PCDHA8: variants seen among roughly 807,000 people sequenced by gnomAD.
The protein encoded by PCDHA8 is protocadherin alpha-8.
PCDHA8 carries 53 observed loss-of-function variants against 61.8 expected under a neutral mutation model. The ratio of observed to expected loss-of-function variants is 0.86; its 90% CI spans 0.69 to 1.08. PCDHA8 has a LOEUF of 1.08. Ranked by LOEUF, PCDHA8 falls within the 50% of genes least tolerant of loss-of-function variation. The probability of loss-of-function intolerance (pLI) is 0.00; values close to 1 mark genes in which losing one functional copy is unlikely to be tolerated. For synonymous variants in PCDHA8, 618 were observed against 556.6 expected (o/e 1.11, Z -1.55); for missense variants, 1,293 against 1,245.0 (o/e 1.04, Z -0.58).
In PCDHA8 at chr5:140,915,928, T is replaced by C. The variant is rs141949892; in HGVS notation, c.2395-63021T>C. ...CAGGCCCAGAGATGCTACTTGGGAG[T>C]CAGGGATTGGAGTCAAAATACTTAG... On this transcript the variant is annotated intron_variant, in intron 1 of 3. Coordinates refer to ENST00000531613, the MANE Select transcript of PCDHA8 (RefSeq NM_018911.3). Among the ~76,000 whole-genome samples the C allele has an allele frequency of 8.0e-3, 1,213 of 151,944 alleles. 5 individuals carry two copies. The highest frequency in any genetic ancestry group is 0.019 in the African/African-American group (783 of 41,424).
Position 140,841,306 on chromosome 5 carries a change from GAAACGACT to G in PCDHA8, c.-14_-7del. The G allele has an allele frequency of 1.3e-6, 2 of 1,580,012 alleles. No homozygotes were observed. Among genetic ancestry groups the G allele is most frequent in the Non-Finnish European group, 1.7e-6 (2 of 1,164,338 alleles). On this transcript the variant is annotated 5_prime_UTR_variant, in exon 1 of 4. Coordinates refer to ENST00000531613, the MANE Select transcript of PCDHA8 (RefSeq NM_018911.3). ...ATATTAAGATAATATTTTCTGATAG[GAAACGACT>G]ATTTAACATGGATTATCACTGGCGA... is the stretch of plus-strand genomic sequence containing the variant.
intron 1 of PCDHA8, chr5:140,927,565 G>A: frequency 6.2e-7 from 1 of 1,614,186 alleles, no homozygotes; most frequent in Non-Finnish European, 8.5e-7. Context: ...CATTGTGGTG[G>A]ACACAAATGA....
chr5:140,968,962 C>T (rs1554231271), intron 1 of PCDHA8: 29 of 1,614,056 alleles, frequency 1.8e-5, no homozygotes, highest in Non-Finnish European at 2.2e-5. Context: ...TCAAGTGCTA[C>T]CGCTACACTG....
intron 1 of PCDHA8, chr5:140,968,411 G>C (rs895173088): frequency 1.9e-6 from 3 of 1,614,012 alleles, no homozygotes; most frequent in South Asian, 1.1e-5. Context: ...CTTTGTGACT[G>C]TGGAGGCTCA....
chr5:140,860,428 T>A (rs1198179293), intron 1 of PCDHA8: 8 of 152,144 alleles, frequency 5.3e-5, no homozygotes, highest in African/African-American at 1.4e-4. Context: ...ATCCTGCAAA[T>A]ATGATCTTTT....
chr5:140,883,511 C>T (rs782295526), intron 1 of PCDHA8: 22 of 1,614,068 alleles, frequency 1.4e-5, no homozygotes, highest in Non-Finnish European at 1.8e-5. Flanking sequence ...CGCCCTGGAC[C>T]GCGAGAGCGT....
chr5:140,905,048 C>A (rs2153487978), intron 1 of PCDHA8, among the ~76,000 whole-genome samples: 1 of 152,186 alleles, frequency 6.6e-6, no homozygotes, highest in African/African-American at 2.4e-5. Flanking sequence ...TAATTAGGTC[C>A]CATTTATTTA....
At chr5:140,921,213 G>C (rs759293646) in intron 1 of PCDHA8, among the ~76,000 whole-genome samples, 2 of 151,378 alleles carry the variant, frequency 1.3e-5, no homozygotes, top group African/African-American at 2.4e-5. Flanking sequence ...GATAATTCAC[G>C]TCTTTTTTGC....
In PCDHA8 at chr5:140,953,296, G is replaced by A. The variant is rs118116883; in HGVS notation, c.2395-25653G>A. 7.9e-5 allele frequency among the ~76,000 whole-genome samples: 12 copies of A among 152,162 alleles called. No individual in the cohort carries two copies. The East Asian group carries it at 1.5e-3, about 20-fold the overall frequency. Reference sequence around the variant, plus strand: ...TGCTCTTTATATGTGATTCAGGGACGGCAGAGATGTGGGAAGAATTTGATC... The same window carrying A: ...TGCTCTTTATATGTGATTCAGGGACAGCAGAGATGTGGGAAGAATTTGATC... On this transcript the variant is annotated intron_variant, in intron 1 of 3. Coordinates refer to ENST00000531613, the MANE Select transcript of PCDHA8 (RefSeq NM_018911.3).
chr5:141,009,736 G>T lies in PCDHA8; in HGVS notation c.2652G>T (p.Leu884Phe). 1 of 1,614,086 alleles carries T rather than the reference G, an allele frequency of 6.2e-7. No homozygotes were observed. Among genetic ancestry groups the T allele is most frequent in the East Asian group, 2.2e-5 (1 of 44,872 alleles). Residue 884 changes from leucine to phenylalanine, a missense_variant, in exon 4 of 4, where the codon TTG becomes TTT. Leu to Phe is a conservative substitution (Grantham distance 22). Transcript: ENST00000531613. ...GNPKQSGPGE[L>F]PDKFIIPGSP... ...CCAAACAATCCGGTCCCGGTGAGTT[G>T]CCCGACAAATTCATTATCCCAGGAT...
Position 140,841,293 on chromosome 5 carries a change from T to C in PCDHA8, c.-29T>C. The C allele has an allele frequency of 2.0e-6, 3 of 1,494,776 alleles. No homozygotes were observed. Among genetic ancestry groups the C allele is most frequent in the Non-Finnish European group, 1.8e-6 (2 of 1,104,334 alleles). 92.6% of individuals were successfully genotyped at this position (1,494,776 alleles called of 1,614,324 possible). ...GTCGTTCATCTTTATATTAAGATAA[T>C]ATTTTCTGATAGGAAACGACTATTT... On this transcript the variant is annotated 5_prime_UTR_variant, in exon 1 of 4. Coordinates refer to ENST00000531613, the MANE Select transcript of PCDHA8 (RefSeq NM_018911.3).
intron 1 of PCDHA8, chr5:140,870,462 G>A (rs181856615): frequency 6.4e-4 from 1,040 of 1,614,196 alleles, no homozygotes; most frequent in Non-Finnish European, 8.0e-4. Flanking sequence ...ATGCGCCTGC[G>A]TTCGCACAGC....
chr5:140,868,940 A>C, intron 1 of PCDHA8: 1 of 1,249,404 alleles, frequency 8.0e-7, no homozygotes, highest in South Asian at 1.6e-5. Context: ...GGTTGGTCTG[A>C]ACAGTGAGGC....
At chr5:140,946,573 A>C (rs1272286008) in intron 1 of PCDHA8, among the ~76,000 whole-genome samples, 1 of 147,140 alleles carries the variant, frequency 6.8e-6, no homozygotes, top group African/African-American at 2.6e-5. Flanking sequence ...GAATCAACTT[A>C]GGTGTTCATA....
chr5:141,006,507 C>T (rs2098276539), intron 3 of PCDHA8, among the ~76,000 whole-genome samples: 1 of 152,156 alleles, frequency 6.6e-6, no homozygotes, highest in Admixed American at 6.5e-5. Flanking sequence ...GCCACCGCGC[C>T]TGGCTGTTAT....
chr5:140,983,807 G>T (rs1158459034), intron 3 of PCDHA8, among the ~76,000 whole-genome samples: 1 of 152,100 alleles, frequency 6.6e-6, no homozygotes, highest in African/African-American at 2.4e-5. Context: ...TGTGTAAAAG[G>T]TTTTTTCCCA....
At chr5:140,870,154 G>A (rs1243170344) in intron 1 of PCDHA8, 2 of 1,614,130 alleles carry the variant, frequency 1.2e-6, no homozygotes, top group Non-Finnish European at 8.5e-7. Context: ...TGAAGTCGCC[G>A]TGACTTCCTT....
chr5:140,870,504 C>T (rs782464928), intron 1 of PCDHA8: 13 of 1,614,114 alleles, frequency 8.1e-6, no homozygotes, highest in Middle Eastern at 3.3e-4. Context: ...AGGAGAACAA[C>T]CCACCAGGCT....
chr5:140,870,736 A>G lies in PCDHA8; in HGVS notation c.2394+27021A>G, dbSNP rs201357017. ...GCGCGATGCGGGCGTGCCGCCTCTG[A>G]GCAGCAACGTGACGCTGCAGGTGTT... On this transcript the variant is annotated intron_variant, in intron 1 of 3. Transcript: ENST00000531613. 8.7e-4 allele frequency: 1,399 copies of G among 1,613,426 alleles called. 10 individuals carry two copies. In the African/African-American group the frequency reaches 0.015, roughly 17 times the overall value.
Sources: allele counts gnomAD v4.1 joint callset (sites outside exome capture counted in the v4.1 genomes callset), GRCh38; gene constraint gnomAD v4.1.1; transcripts MANE v1.5; gene names NCBI Gene and HGNC (gene_info 2026-07-23, HGNC 2026-07-21).